The following THSD7B variants were observed in gnomAD, a reference collection of about 807,000 sequenced individuals.
THSD7B encodes thrombospondin type-1 domain-containing protein 7B.
In THSD7B, 138 loss-of-function variants were observed where a neutral mutation model predicts 213.6. The ratio of observed to expected loss-of-function variants is 0.65; its 90% CI spans 0.56 to 0.74. The LOEUF is 0.74. Among genes scored for constraint, THSD7B ranks in the 30% least tolerant of loss-of-function variants. The probability of loss-of-function intolerance (pLI) is 0.00; values close to 1 mark genes in which losing one functional copy is unlikely to be tolerated. For synonymous variants in THSD7B, 742 were observed against 687.0 expected (o/e 1.08, Z -1.25); for missense variants, 1,931 against 1,991.5 (o/e 0.97, Z 0.58).
In THSD7B at chr2:137,673,062, A is replaced by G. The variant is rs567790943; in HGVS notation, c.4740-3462A>G. On this transcript the variant is annotated intron_variant, in intron 27 of 27. Coordinates refer to ENST00000409968, the MANE Select transcript of THSD7B (RefSeq NM_001316349.2). ...GTTTGAGAGTGGTACTTGCACCTCC[A>G]AAGGCTTGTCTCTCACAAATGGCTG... Among the ~76,000 whole-genome samples the G allele has an allele frequency of 4.6e-5, 7 of 152,328 alleles. No homozygotes were observed. In the South Asian group the frequency reaches 1.5e-3, roughly 32 times the overall value.
At position 137,128,168 on chromosome 2, in the gene THSD7B, G is replaced by A. The variant is rs569215829; in HGVS notation, c.1369+12875G>A. ...CTGTAATTTTCTTTCCTGCTAGTTA[G>A]GATATACTATCAAATGATGACTCTT... On this transcript the variant is annotated intron_variant, in intron 5 of 27. Transcript: ENST00000409968. Among the ~76,000 whole-genome samples the A allele has an allele frequency of 3.3e-4, 50 of 152,002 alleles. 1 individual carries two copies. In the South Asian group the frequency reaches 7.5e-3, roughly 23 times the overall value.
At chr2:137,407,757 C>A (rs984932438) in intron 13 of THSD7B, among the ~76,000 whole-genome samples, 3 of 151,984 alleles carry the variant, frequency 2.0e-5, no homozygotes, top group African/African-American at 7.2e-5. Flanking sequence ...ATTTAACTTT[C>A]TTTTGTCCAT....
At chr2:137,354,881 A>G (rs1685095211) in intron 12 of THSD7B, among the ~76,000 whole-genome samples, 1 of 151,918 alleles carries the variant, frequency 6.6e-6, no homozygotes, top group Admixed American at 6.6e-5. Context: ...AATATTCTGA[A>G]TGCATTTTCA....
chr2:137,293,737 C>T (rs562822679), intron 12 of THSD7B, among the ~76,000 whole-genome samples: 2 of 151,880 alleles, frequency 1.3e-5, no homozygotes, highest in South Asian at 4.2e-4. Flanking sequence ...CAGGTTTTAC[C>T]CCAGATCTAT....
At chr2:137,620,812 T>C (rs1682506107) in intron 20 of THSD7B, 86 bp downstream of exon 20, 1 of 1,160,912 alleles carries the variant, frequency 8.6e-7, no homozygotes, top group South Asian at 1.3e-5. Context: ...TGGCATAAGG[T>C]ATGGGACCCA....
chr2:136,955,570 A>T (rs181914034), intron 2 of THSD7B, among the ~76,000 whole-genome samples: 23 of 152,298 alleles, frequency 1.5e-4, no homozygotes, highest in African/African-American at 5.3e-4. Flanking sequence ...CTTTTAAAAA[A>T]AGTTAATATC....
intron 3 of THSD7B, among the ~76,000 whole-genome samples, chr2:137,069,644 C>T (rs1261866741): frequency 1.3e-5 from 2 of 151,816 alleles, no homozygotes; most frequent in Admixed American, 6.6e-5. Context: ...TTTAAAAAGC[C>T]ATCATCTCTA....
chr2:136,927,310 C>T (rs900684659), intron 2 of THSD7B, among the ~76,000 whole-genome samples: 5 of 151,490 alleles, frequency 3.3e-5, no homozygotes, highest in African/African-American at 1.2e-4. Flanking sequence ...TGAGCTGGAC[C>T]TGCCTCAGGT....
chr2:137,485,386 T>A (rs529866723), intron 15 of THSD7B, among the ~76,000 whole-genome samples: 2 of 152,208 alleles, frequency 1.3e-5, no homozygotes, highest in South Asian at 4.1e-4. Flanking sequence ...TCTATATCTC[T>A]GTTTTGGTAC....
intron 17 of THSD7B, among the ~76,000 whole-genome samples, chr2:137,586,938 C>G (rs1284501270): frequency 6.6e-6 from 1 of 152,340 alleles, no homozygotes; most frequent in Admixed American, 6.5e-5. Flanking sequence ...TGTTTTCCAA[C>G]TTGGTTCCAT....
chr2:137,648,798 T>G (rs1396215008), intron 21 of THSD7B, among the ~76,000 whole-genome samples: 5 of 152,056 alleles, frequency 3.3e-5, no homozygotes, highest in Non-Finnish European at 5.9e-5. Flanking sequence ...GTAGTAGAAT[T>G]TCTGTATATG....
At chr2:136,868,133 C>CAT (rs1683374710) in intron 1 of THSD7B, among the ~76,000 whole-genome samples, 1 of 151,958 alleles carries the variant, frequency 6.6e-6, no homozygotes, top group African/African-American at 2.4e-5. Context: ...CACACACACA[C>CAT]ACACACACAT....
At chr2:137,012,349 G>T (rs563771711) in intron 2 of THSD7B, among the ~76,000 whole-genome samples, 2 of 152,220 alleles carry the variant, frequency 1.3e-5, no homozygotes, top group East Asian at 3.9e-4. Flanking sequence ...CTAATTGCTA[G>T]CTCCTTATGC....
At chr2:137,529,050 T>C (rs1680332073) in intron 15 of THSD7B, among the ~76,000 whole-genome samples, 2 of 152,148 alleles carry the variant, frequency 1.3e-5, no homozygotes, top group South Asian at 4.1e-4. Context: ...TTTGGCAAAC[T>C]ACTACTTATG....
chr2:137,398,501 TGAG>T (rs1386543346), intron 12 of THSD7B, among the ~76,000 whole-genome samples: 4 of 151,992 alleles, frequency 2.6e-5, no homozygotes, highest in African/African-American at 7.2e-5. Context: ...GGGACCCACT[TGAG>T]GAGGCAGTCT....
intron 12 of THSD7B, among the ~76,000 whole-genome samples, chr2:137,312,347 G>A (rs1683937466): frequency 6.6e-6 from 1 of 151,664 alleles, no homozygotes; most frequent in East Asian, 1.9e-4. Context: ...GGGATCGGTG[G>A]TGATATCCCC....
chr2:137,015,265 T>C (rs1315795433), intron 2 of THSD7B, among the ~76,000 whole-genome samples: 1 of 152,120 alleles, frequency 6.6e-6, no homozygotes, highest in East Asian at 1.9e-4. Context: ...AATATGGCCT[T>C]CATTTATTTC....
chr2:137,204,064 T>C (rs1274170194), intron 7 of THSD7B, among the ~76,000 whole-genome samples: 1 of 151,986 alleles, frequency 6.6e-6, no homozygotes. Context: ...AGTTTTCAGA[T>C]TGGTGATGTG....
chr2:137,390,725 G>T (rs573343020), intron 12 of THSD7B, among the ~76,000 whole-genome samples: 40 of 152,120 alleles, frequency 2.6e-4, no homozygotes, highest in Admixed American at 2.6e-4. Context: ...CTAATGTGTT[G>T]AGAGTTTTTA....
Sources: gnomAD v4.1 joint callset for allele counts (sites outside exome capture counted in the v4.1 genomes callset) on GRCh38, gnomAD v4.1.1 for gene constraint, MANE v1.5 for transcripts, NCBI Gene and HGNC (gene_info 2026-07-23, HGNC 2026-07-21) for gene names.